STAM2: variants seen among roughly 807,000 people sequenced by gnomAD.
STAM2 encodes the protein signal transducing adapter molecule 2.
STAM2 carries 51 observed loss-of-function variants against 65.6 expected under a neutral mutation model. The ratio of observed to expected loss-of-function variants is 0.78; its 90% CI spans 0.62 to 0.98. The LOEUF (loss-of-function observed/expected upper bound fraction) is 0.98. Among genes scored for constraint, STAM2 ranks in the 50% least tolerant of loss-of-function variants. The pLI is 0.00. For synonymous variants in STAM2, 198 were observed against 208.4 expected, an observed-to-expected ratio of 0.95 and a Z score of 0.43; for missense variants, 584 against 617.8, an observed-to-expected ratio of 0.95 and a Z score of 0.58.
intron 12 of STAM2, among the ~76,000 whole-genome samples, chr2:152,125,851 CTT>C (rs1472504666): frequency 6.6e-6 from 1 of 152,186 alleles, no homozygotes; most frequent in Non-Finnish European, 1.5e-5. Flanking sequence ...ACCTGGGGAA[CTT>C]CTGATATGTC....
chr2:152,158,661 T>C (rs1689597886), intron 1 of STAM2, among the ~76,000 whole-genome samples: 1 of 152,124 alleles, frequency 6.6e-6, no homozygotes, highest in South Asian at 2.1e-4. Context: ...TACACTGCTA[T>C]TGAACAGAAT....
intron 1 of STAM2, among the ~76,000 whole-genome samples, chr2:152,156,481 A>G (rs1181182743): frequency 6.6e-6 from 1 of 152,156 alleles, no homozygotes; most frequent in African/African-American, 2.4e-5. Context: ...TCTGTGTCAA[A>G]CGCATAGAGA....
chr2:152,127,448 G>C (rs1688981561), intron 11 of STAM2, among the ~76,000 whole-genome samples: 1 of 151,568 alleles, frequency 6.6e-6, no homozygotes, highest in Admixed American at 6.6e-5. Flanking sequence ...TAAGAATCTG[G>C]GCCTTAATTA....
At chr2:152,127,286 G>A (rs1688979387) in intron 11 of STAM2, among the ~76,000 whole-genome samples, 3 of 152,124 alleles carry the variant, frequency 2.0e-5, no homozygotes, top group African/African-American at 7.2e-5. Context: ...CTCTACTGGT[G>A]ACAATATGAC....
rs764177386 is a variant in STAM2 at position 152,123,870 on chromosome 2, G to A, written c.1245C>T (p.Ala415=). Residue 415 remains alanine, a synonymous_variant, in exon 13 of 14, where the codon GCC becomes GCT. Coordinates refer to ENST00000263904, the MANE Select transcript of STAM2 (RefSeq NM_005843.6). ...MGQSIHQVTV[A]QSYSLGPDQI... The stretch of plus-strand genomic sequence containing the variant: ...GATCGGGTCCTAGGCTATAGCTTTG[G>A]GCAACAGTTACTTGGTGAATGCTCT... 3 of 1,613,998 alleles carry A rather than the reference G, an allele frequency of 1.9e-6. No individual in the cohort carries two copies. Among genetic ancestry groups the A allele is most frequent in the South Asian group, 2.2e-5 (2 of 91,074 alleles).
Position 152,160,342 on chromosome 2 carries a change from G to A in STAM2, c.41-10113C>T, listed in dbSNP as rs369588213. 2.1e-4 allele frequency among the ~76,000 whole-genome samples: 31 copies of A among 151,192 alleles called. 1 individual carries two copies. In the South Asian group the frequency reaches 2.5e-3, roughly 12 times the overall value. On this transcript the variant is annotated intron_variant, in intron 1 of 13. Transcript: ENST00000263904. ...AAGTGAGGAGCGTCTCTGCCTGGCC[G>A]CCCATCGTCTGAGATGTGGGGAGCG...
intron 1 of STAM2, among the ~76,000 whole-genome samples, chr2:152,163,404 G>A (rs1560223433): frequency 6.6e-6 from 1 of 152,112 alleles, no homozygotes; most frequent in Non-Finnish European, 1.5e-5. Context: ...ATCTTCGTAA[G>A]CTGAGAATGT....
intron 12 of STAM2, chr2:152,124,140 G>A (rs546022827): frequency 1.9e-6 from 1 of 529,136 alleles, no homozygotes; most frequent in Non-Finnish European, 3.3e-6. Flanking sequence ...TTGTTTGGCT[G>A]TTCTTTTATT....
chr2:152,153,998 T>C (rs758722110), intron 1 of STAM2, among the ~76,000 whole-genome samples: 2 of 151,716 alleles, frequency 1.3e-5, no homozygotes, highest in Non-Finnish European at 2.9e-5. Flanking sequence ...AACAGACAAC[T>C]CCTTCCTTGG....
At chr2:152,163,814 C>G (rs771550109) in intron 1 of STAM2, among the ~76,000 whole-genome samples, 1 of 152,148 alleles carries the variant, frequency 6.6e-6, no homozygotes, top group Non-Finnish European at 1.5e-5. Flanking sequence ...GACTGAAATA[C>G]GCCCTGGTCT....
At position 152,123,781 on chromosome 2, in the gene STAM2, T is replaced by C. The variant is rs1688903761; in HGVS notation, c.1334A>G (p.Gln445Arg). ...VNSSVTAQPA[Q>R]TSYLSTGQDT... The stretch of plus-strand genomic sequence containing the variant: ...CAAAACTTACCTTAAATATGAAGTT[T>C]GAGCAGGCTGTGCTGTCACTGAGGA... The change falls in exon 13 of 14, where the codon CAA (glutamine) becomes CGA (arginine). Residue 445 changes from glutamine (Q) to arginine (R), a missense_variant. By Grantham distance (43) the Gln-to-Arg change is conservative. Coordinates refer to ENST00000263904, the MANE Select transcript of STAM2 (RefSeq NM_005843.6). 6.2e-7 allele frequency: 1 copy of C among 1,613,672 alleles called. No individual in the cohort carries two copies. Among genetic ancestry groups the C allele is most frequent in the East Asian group, 2.2e-5 (1 of 44,880 alleles).
chr2:152,122,072 ATATATGTGTGTGTGTG>A (rs1481199780), intron 13 of STAM2, among the ~76,000 whole-genome samples: 1 of 108,286 alleles, frequency 9.2e-6, no homozygotes, highest in African/African-American at 3.2e-5. Flanking sequence ...ATATATATAT[ATATATGTGTGTGTGTG>A]TGTGTGTGTG....
At chr2:152,154,690 CA>C (rs1179832857) in intron 1 of STAM2, among the ~76,000 whole-genome samples, 1 of 152,190 alleles carries the variant, frequency 6.6e-6, no homozygotes, top group Non-Finnish European at 1.5e-5. Flanking sequence ...AAGGAAACCA[CA>C]GGGGTAGAGA....
intron 1 of STAM2, among the ~76,000 whole-genome samples, chr2:152,159,093 C>CCATATATATATATATATATATATATA (rs1689607992): frequency 1.7e-5 from 1 of 59,698 alleles, no homozygotes. Flanking sequence ...CAAAAAAAAA[C>CCATATATATATATATATATATATATA]CATATATATA....
intron 7 of STAM2, among the ~76,000 whole-genome samples, chr2:152,138,935 T>C (rs541889502): frequency 6.6e-6 from 1 of 152,316 alleles, no homozygotes; most frequent in Admixed American, 6.5e-5. Context: ...GTACCCTTCC[T>C]TAGTGGTTCT....
chr2:152,143,984 G>C lies in STAM2; in HGVS notation c.547C>G (p.Gln183Glu). The change falls in exon 7 of 14, where the codon CAG (glutamine) becomes GAG (glutamate). Residue 183 changes from glutamine to glutamate, a missense_variant. By Grantham distance (29) the Gln-to-Glu change is conservative. Coordinates refer to ENST00000263904, the MANE Select transcript of STAM2 (RefSeq NM_005843.6). ...AAGGATTTTGTTTCTGTGTGTTGCTGTTTCTGTTCTTGCAGCGATAATTCA... is the reference window on the plus strand; with the variant it reads ...AAGGATTTTGTTTCTGTGTGTTGCTCTTTCTGTTCTTGCAGCGATAATTCA... Reference protein sequence around the residue: ...AIELSLQEQKQQHTETKSLYP... With the variant: ...AIELSLQEQKEQHTETKSLYP... The C allele has an allele frequency of 6.2e-7, 1 of 1,612,212 alleles. No individual in the cohort carries two copies. The highest frequency in any genetic ancestry group is 1.7e-5 in the Admixed American group (1 of 59,590).
At chr2:152,168,195 C>G (rs182851896) in intron 1 of STAM2, among the ~76,000 whole-genome samples, 4 of 151,802 alleles carry the variant, frequency 2.6e-5, no homozygotes, top group African/African-American at 9.7e-5. Flanking sequence ...GAGTCTCGCT[C>G]TGTCGTCCGG....
At chr2:152,174,460 T>C (rs1228908437) in intron 1 of STAM2, among the ~76,000 whole-genome samples, 1 of 152,210 alleles carries the variant, frequency 6.6e-6, no homozygotes, top group East Asian at 1.9e-4. Context: ...GTAAGGAACA[T>C]ACATATTTGA....
At chr2:152,129,642 T>G (rs1689022448) in intron 11 of STAM2, among the ~76,000 whole-genome samples, 1 of 152,220 alleles carries the variant, frequency 6.6e-6, no homozygotes. Context: ...TCCATGTCCA[T>G]GGGTTCTGCA....
Sources: gnomAD v4.1 joint callset for allele counts (sites outside exome capture counted in the v4.1 genomes callset) on GRCh38, gnomAD v4.1.1 for gene constraint, MANE v1.5 for transcripts, NCBI Gene and HGNC (gene_info 2026-07-23, HGNC 2026-07-21) for gene names.